Variants in NELL1 observed in about 807,000 individuals in gnomAD.
NELL1 encodes the protein protein kinase C-binding protein NELL1.
NELL1 carries 76 observed loss-of-function variants against 107.4 expected under a neutral mutation model. The observed-to-expected ratio is 0.71, with a 90% confidence interval of 0.59 to 0.86. NELL1 has a LOEUF of 0.86. NELL1 is among the 40% of genes least tolerant of loss of function. The pLI is 0.00. For missense variants in NELL1, 1,024 were observed against 1,005.5 expected (o/e 1.02, Z -0.25); for synonymous variants, 353 against 341.2 (o/e 1.03, Z -0.38).
chr11:21,292,896 T>A (rs553313774), intron 14 of NELL1, among the ~76,000 whole-genome samples: 7 of 152,164 alleles, frequency 4.6e-5, no homozygotes, highest in Admixed American at 1.3e-4. Context: ...AAACTGAAAC[T>A]GGACCCCTTC....
intron 13 of NELL1, among the ~76,000 whole-genome samples, chr11:21,212,221 C>T: frequency 6.6e-6 from 1 of 152,190 alleles, no homozygotes; most frequent in South Asian, 2.1e-4. Flanking sequence ...CCCATTTATT[C>T]ATTTAGAAAA....
At chr11:20,885,614 C>G in intron 5 of NELL1, 74 bp downstream of exon 5, 1 of 936,612 alleles carries the variant, frequency 1.1e-6, no homozygotes, top group Non-Finnish European at 1.7e-6. Flanking sequence ...TTATTGGAGC[C>G]GTGTTTATAA....
At chr11:20,867,373 G>A (rs151007352) in intron 4 of NELL1, among the ~76,000 whole-genome samples, 6 of 152,284 alleles carry the variant, frequency 3.9e-5, no homozygotes, top group South Asian at 2.1e-4. Context: ...CACATAGTAA[G>A]CAGTCAGCAA....
At chr11:21,273,655 A>G (rs531121041) in intron 14 of NELL1, among the ~76,000 whole-genome samples, 14 of 152,336 alleles carry the variant, frequency 9.2e-5, no homozygotes, top group African/African-American at 2.9e-4. Context: ...GCCAGAGAGA[A>G]AGGTCGGGTT....
At chr11:21,327,162 G>GTTTTT (rs369129791) in intron 14 of NELL1, among the ~76,000 whole-genome samples, 1 of 96,944 alleles carries the variant, frequency 1.0e-5, no homozygotes, top group Non-Finnish European at 2.0e-5. Context: ...GAGATCTGAT[G>GTTTTT]TTTTTTTTTT....
chr11:20,935,342 G>T (rs1029586601), intron 9 of NELL1, among the ~76,000 whole-genome samples: 4 of 152,186 alleles, frequency 2.6e-5, no homozygotes, highest in Non-Finnish European at 5.9e-5. Context: ...AAGCTCATGG[G>T]TGTATAGGGT....
chr11:21,041,324 A>G (rs1262646846), intron 12 of NELL1, among the ~76,000 whole-genome samples: 1 of 152,194 alleles, frequency 6.6e-6, no homozygotes, highest in East Asian at 1.9e-4. Flanking sequence ...TTGTTAATAA[A>G]AATAGTTAAT....
intron 13 of NELL1, among the ~76,000 whole-genome samples, chr11:21,127,274 A>G (rs1278341024): frequency 6.6e-6 from 1 of 152,174 alleles, no homozygotes; most frequent in Admixed American, 6.5e-5. Context: ...TATTAATACT[A>G]TAGTAACATT....
chr11:20,984,916 T>G (rs1027704649), intron 12 of NELL1, among the ~76,000 whole-genome samples: 1 of 152,176 alleles, frequency 6.6e-6, no homozygotes, highest in Non-Finnish European at 1.5e-5. Flanking sequence ...TAAACCAAGT[T>G]TCAATGAATT....
At chr11:20,847,811 G>A in intron 4 of NELL1, 58 bp downstream of exon 4, 1 of 1,501,850 alleles carries the variant, frequency 6.7e-7, no homozygotes, top group East Asian at 2.5e-5. Context: ...CAATGGAAAA[G>A]GGGAAAAAAT....
chr11:21,389,448 A>G (rs938155700), intron 15 of NELL1, among the ~76,000 whole-genome samples: 1 of 151,840 alleles, frequency 6.6e-6, no homozygotes, highest in African/African-American at 2.4e-5. Flanking sequence ...GGATTAGTAA[A>G]TGTCACATTC....
In NELL1 at chr11:21,028,555, A is replaced by T. The variant is rs115303019; in HGVS notation, c.1300+67995A>T. 6.5e-3 allele frequency among the ~76,000 whole-genome samples: 983 copies of T among 152,214 alleles called. 12 individuals are homozygous for T. The highest frequency in any genetic ancestry group is 0.022 in the African/African-American group (925 of 41,550). ...GTTTAATTAATATATTTCCCCAAGA[A>T]TCTACTACAACTGTCCCAGTCTGAT... On this transcript the variant is annotated intron_variant, in intron 12 of 19. Transcript: ENST00000357134.
Position 21,188,427 on chromosome 11 carries a change from A to G in NELL1, c.1427-40905A>G, listed in dbSNP as rs766970008. ...CCCATAGCAGGTTTATGTGTTGGCA[A>G]TATCAGTGAAATGATTCCTTCCAGC... On this transcript the variant is annotated intron_variant, in intron 13 of 19. Transcript: ENST00000357134. Among the ~76,000 whole-genome samples the G allele has an allele frequency of 5.9e-5, 9 of 151,922 alleles. No homozygotes were observed. The South Asian group carries it at 1.7e-3, about 28-fold the overall frequency.
At chr11:21,014,316 G>A (rs891317595) in intron 12 of NELL1, among the ~76,000 whole-genome samples, 1 of 152,172 alleles carries the variant, frequency 6.6e-6, no homozygotes, top group East Asian at 1.9e-4. Context: ...AATTCTTGGG[G>A]TAGAGCCAAG....
intron 12 of NELL1, among the ~76,000 whole-genome samples, chr11:21,069,546 C>T (rs1006367088): frequency 3.9e-5 from 6 of 152,168 alleles, no homozygotes; most frequent in African/African-American, 1.4e-4. Context: ...AAAATCTATG[C>T]ATTTAGTCCA....
Position 20,888,936 on chromosome 11 carries a change from G to C in NELL1, c.603+3396G>C, listed in dbSNP as rs1232469721. On this transcript the variant is annotated intron_variant, in intron 5 of 19. Coordinates refer to ENST00000357134, the MANE Select transcript of NELL1 (RefSeq NM_006157.5). Reference sequence around the variant, plus strand: ...ATCCCTGGGATTCCAAGTATCGGAAGAGTGCAATCCCTAAAGTACTAATAT... The same window carrying C: ...ATCCCTGGGATTCCAAGTATCGGAACAGTGCAATCCCTAAAGTACTAATAT... Among the ~76,000 whole-genome samples the C allele has an allele frequency of 2.6e-5, 4 of 152,316 alleles. No individual in the cohort carries two copies. The East Asian group carries it at 5.8e-4, about 22-fold the overall frequency.
intron 15 of NELL1, among the ~76,000 whole-genome samples, chr11:21,450,299 G>C (rs1289757028): frequency 6.6e-6 from 1 of 152,162 alleles, no homozygotes; most frequent in African/African-American, 2.4e-5. Flanking sequence ...GGAAATATGT[G>C]TGGGGGATTT....
chr11:21,095,426 C>G (rs1359154093), intron 12 of NELL1, among the ~76,000 whole-genome samples: 1 of 152,134 alleles, frequency 6.6e-6, no homozygotes, highest in Non-Finnish European at 1.5e-5. Context: ...TTTTGGGTAT[C>G]TTTTCAGCAG....
At chr11:21,176,961 T>G (rs1471749788) in intron 13 of NELL1, among the ~76,000 whole-genome samples, 1 of 151,796 alleles carries the variant, frequency 6.6e-6, no homozygotes, top group Non-Finnish European at 1.5e-5. Context: ...GTTTTTTTAA[T>G]TTTTATTTTT....
Sources: allele counts gnomAD v4.1 joint callset (sites outside exome capture counted in the v4.1 genomes callset), GRCh38; gene constraint gnomAD v4.1.1; transcripts MANE v1.5; gene names NCBI Gene and HGNC (gene_info 2026-07-23, HGNC 2026-07-21).